The following RBPJ variants were observed in gnomAD, a reference collection of about 807,000 sequenced individuals.
RBPJ encodes recombining binding protein suppressor of hairless.
A neutral mutation model predicts 67.8 loss-of-function variants in RBPJ; 9 were observed. The ratio of observed to expected loss-of-function variants is 0.13; its 90% CI spans 0.08 to 0.23. The LOEUF is 0.23. Ranked by LOEUF, RBPJ falls within the 10% of genes least tolerant of loss-of-function variation. RBPJ has a pLI of 1.00. For synonymous variants in RBPJ, 198 were observed against 203.3 expected, an observed-to-expected ratio of 0.97 and a Z score of 0.22; for missense variants, 305 against 595.6, an observed-to-expected ratio of 0.51 and a Z score of 5.08.
chr4:26,311,471 G>A (rs1186552180), intron 1 of RBPJ, among the ~76,000 whole-genome samples: 1 of 151,910 alleles, frequency 6.6e-6, no homozygotes, highest in Non-Finnish European at 1.5e-5. Flanking sequence ...CCCAGGAGGT[G>A]GAGGTTGCAG....
chr4:26,346,845 A>G (rs1029285721), intron 1 of RBPJ, among the ~76,000 whole-genome samples: 1 of 152,056 alleles, frequency 6.6e-6, no homozygotes, highest in Non-Finnish European at 1.5e-5. Flanking sequence ...TACAAAAATT[A>G]GCTGGGCATG....
chr4:26,109,228 C>T, the RBPJ span, among the ~76,000 whole-genome samples: 144 of 150,884 alleles, frequency 9.5e-4, 1 homozygote, highest in Admixed American at 3.3e-3. Context: ...GTGCCTTAGC[C>T]TTCCAAGTAG....
In RBPJ at chr4:26,255,410, A is replaced by AC. The variant is rs1462896790; in HGVS notation, c.-167+91796_-167+91797insC. Among the ~76,000 whole-genome samples, 82 of 147,930 alleles carry AC rather than the reference A, an allele frequency of 5.5e-4. 2 individuals are homozygous for AC. The highest frequency in any genetic ancestry group is 2.0e-3 in the African/African-American group (80 of 39,742). ...CAGAGCGAGACTCCGTCTCAAAAAA[A>AC]AAAAAAAAAAAAAAAAGTAATGTCT... On this transcript the variant is annotated intron_variant, in intron 1 of 4. Transcript: ENST00000512351.
upstream of RBPJ, among the ~76,000 whole-genome samples, chr4:26,160,012 G>A (rs939231163): frequency 3.3e-5 from 5 of 151,710 alleles, no homozygotes; most frequent in Admixed American, 2.0e-4. Context: ...TCCGCTTCCC[G>A]AGTTCACGCC....
chr4:26,303,210 A>G (rs1236737216), intron 1 of RBPJ, among the ~76,000 whole-genome samples: 1 of 147,288 alleles, frequency 6.8e-6, no homozygotes, highest in Admixed American at 6.8e-5. Flanking sequence ...ATAAATAAAT[A>G]AATAAATAAT....
At chr4:26,227,440 A>G (rs913559400) in intron 1 of RBPJ, among the ~76,000 whole-genome samples, 5 of 152,226 alleles carry the variant, frequency 3.3e-5, no homozygotes, top group Non-Finnish European at 5.9e-5. Context: ...AGCTTGGCAC[A>G]TGATAAGTGA....
chr4:26,146,157 G>C, the RBPJ span, among the ~76,000 whole-genome samples: 1 of 152,286 alleles, frequency 6.6e-6, no homozygotes, highest in African/African-American at 2.4e-5. Context: ...ATGTTGCCCA[G>C]GATGGTCTCG....
intron 1 of RBPJ, among the ~76,000 whole-genome samples, chr4:26,210,160 A>G (rs897319238): frequency 2.6e-5 from 4 of 152,122 alleles, no homozygotes; most frequent in East Asian, 1.9e-4. Context: ...CAAAACCACA[A>G]TCGTTTTAGG....
chr4:26,166,117 T>C (rs1716285171), intron 1 of RBPJ, among the ~76,000 whole-genome samples: 1 of 147,568 alleles, frequency 6.8e-6, no homozygotes, highest in Non-Finnish European at 1.5e-5. Context: ...CAGTCTATCA[T>C]TGTTGGACAT....
intron 1 of RBPJ, among the ~76,000 whole-genome samples, chr4:26,353,679 G>A (rs1349461194): frequency 1.3e-5 from 2 of 150,338 alleles, no homozygotes; most frequent in Admixed American, 1.3e-4. Context: ...TGCGATCTTG[G>A]CTCACTGCAA....
intron 1 of RBPJ, among the ~76,000 whole-genome samples, chr4:26,376,386 C>G (rs1381077640): frequency 6.6e-6 from 1 of 152,092 alleles, no homozygotes; most frequent in East Asian, 1.9e-4. Context: ...AATATTTGTC[C>G]TTTTGTGTTT....
chr4:26,210,582 T>G (rs1718349782), intron 1 of RBPJ, among the ~76,000 whole-genome samples: 1 of 152,196 alleles, frequency 6.6e-6, no homozygotes, highest in Admixed American at 6.5e-5. Context: ...CAATGAGGCT[T>G]TTAATTAAAT....
At chr4:26,175,403 G>A (rs139339221) in intron 1 of RBPJ, among the ~76,000 whole-genome samples, 24 of 152,224 alleles carry the variant, frequency 1.6e-4, no homozygotes, top group South Asian at 4.1e-4. Flanking sequence ...GTCTGGGGGA[G>A]GCAGCAGGGA....
At position 26,430,366 on chromosome 4, in the gene RBPJ, T is replaced by C. The variant is rs73126674; in HGVS notation, c.1045-53T>C. On this transcript the variant is annotated intron_variant, in intron 9 of 10. Transcript: ENST00000355476. This position sits in a 1 kb window ranked among gnomAD's most constrained non-coding sequence, Gnocchi z 4.1. ...TTGAATGAGAATCTAATTTGTGTAC[T>C]TTAATGAAAAATGAAAAGTTTTCTC... is the stretch of plus-strand genomic sequence containing the variant. 7.0e-7 allele frequency: 1 copy of C among 1,423,020 alleles called. No individual in the cohort carries two copies. The highest frequency in any genetic ancestry group is 9.9e-7 in the Non-Finnish European group (1 of 1,010,168). 88.1% of individuals were successfully genotyped at this position (1,423,020 alleles called of 1,614,324 possible). A position where few individuals can be genotyped will look rare whatever the true frequency, so the allele number is the denominator to read the frequency against.
At chr4:26,119,916 T>C in the RBPJ span, among the ~76,000 whole-genome samples, 23 of 152,358 alleles carry the variant, frequency 1.5e-4, no homozygotes, top group African/African-American at 4.1e-4. Context: ...GACCCCACCA[T>C]TGTGGCTACA....
intron 1 of RBPJ, among the ~76,000 whole-genome samples, chr4:26,204,547 A>ACT (rs1718102273): frequency 6.6e-6 from 1 of 151,984 alleles, no homozygotes; most frequent in Admixed American, 6.6e-5. Flanking sequence ...GGATGGGACT[A>ACT]CTCGTGGGTA....
chr4:26,301,193 A>G (rs1428289740), intron 1 of RBPJ, among the ~76,000 whole-genome samples: 1 of 152,192 alleles, frequency 6.6e-6, no homozygotes, highest in Non-Finnish European at 1.5e-5. Context: ...AAGTTAAGGA[A>G]CATACCCAAG....
chr4:26,209,098 A>AAT (rs1553848908), intron 1 of RBPJ, among the ~76,000 whole-genome samples: 25,169 of 146,754 alleles, frequency 0.17, 2,461 homozygotes, highest in Non-Finnish European at 0.22. Flanking sequence ...GAAGAAAAAA[A>AAT]ATATATATAT....
At position 26,432,289 on chromosome 4, in the gene RBPJ, A is replaced by G. The variant is rs1168617647; in HGVS notation, c.*1282A>G. On this transcript the variant is annotated 3_prime_UTR_variant, in exon 11 of 11. Coordinates refer to ENST00000355476, the MANE Select transcript of RBPJ (RefSeq NM_015874.6). ...CAGAACATCATTGTAATCTTAAAAC[A>G]TAAGATGCTTTTATTAGATGATCAA... The G allele has an allele frequency of 6.6e-6, 1 of 152,258 alleles. No individual in the cohort carries two copies. Among genetic ancestry groups the G allele is most frequent in the African/African-American group, 2.4e-5 (1 of 41,462 alleles). The allele number at this position is 152,258 out of a possible 1,614,324, so 9.4% of individuals were successfully genotyped here. A position where few individuals can be genotyped will look rare whatever the true frequency, so the allele number is the denominator to read the frequency against.
Sources: gnomAD v4.1 joint callset for allele counts (sites outside exome capture counted in the v4.1 genomes callset) on GRCh38, gnomAD v4.1.1 for gene constraint, Gnocchi (gnomAD v3.1) non-coding constraint, MANE v1.5 for transcripts, NCBI Gene and HGNC (gene_info 2026-07-23, HGNC 2026-07-21) for gene names.